The following JPH1 variants were observed in gnomAD, a reference collection of about 807,000 sequenced individuals.
The protein encoded by JPH1 is junctophilin-1.
In JPH1, 12 loss-of-function variants were observed where a neutral mutation model predicts 53.6. The observed-to-expected ratio is 0.22, with a 90% CI of 0.14 to 0.36. JPH1 has a LOEUF of 0.36. Among genes scored for constraint, JPH1 ranks in the 10% least tolerant of loss-of-function variants. JPH1 has a pLI of 1.00. For synonymous variants in JPH1, 375 were observed against 363.8 expected, an observed-to-expected ratio of 1.03 and a Z score of -0.35; for missense variants, 808 against 905.5, an observed-to-expected ratio of 0.89 and a Z score of 1.38.
chr8:74,281,892 A>G (rs528442150), intron 2 of JPH1, among the ~76,000 whole-genome samples: 1 of 152,310 alleles, frequency 6.6e-6, no homozygotes, highest in Non-Finnish European at 1.5e-5. Flanking sequence ...CTTTGACATT[A>G]TAACAGACTG....
At chr8:74,240,771 A>G (rs900366903) in intron 4 of JPH1, among the ~76,000 whole-genome samples, 2 of 152,242 alleles carry the variant, frequency 1.3e-5, no homozygotes, top group African/African-American at 4.8e-5. Flanking sequence ...CAGTGGACCC[A>G]GGAAAGTGAA....
At chr8:74,269,063 T>C (rs1033287025) in intron 2 of JPH1, among the ~76,000 whole-genome samples, 6 of 152,222 alleles carry the variant, frequency 3.9e-5, no homozygotes, top group South Asian at 2.1e-4. Context: ...TTGAAAAACA[T>C]TCTCTAAGGT....
chr8:74,269,704 C>T (rs991688700), intron 2 of JPH1, among the ~76,000 whole-genome samples: 4 of 152,176 alleles, frequency 2.6e-5, no homozygotes, highest in African/African-American at 9.7e-5. Context: ...CAGGTAATTA[C>T]TTTTCCTTCT....
intron 3 of JPH1, among the ~76,000 whole-genome samples, chr8:74,255,961 A>C (rs1806211154): frequency 6.6e-6 from 1 of 152,204 alleles, no homozygotes; most frequent in South Asian, 2.1e-4. Flanking sequence ...AAACTAGTTC[A>C]ACCATTGTGG....
intron 2 of JPH1, among the ~76,000 whole-genome samples, chr8:74,313,758 G>A (rs1397995427): frequency 6.6e-6 from 1 of 152,158 alleles, no homozygotes; most frequent in Non-Finnish European, 1.5e-5. Flanking sequence ...CTGTGGAAGA[G>A]TGTTATTGAA....
chr8:74,248,070 C>T (rs1478290864), intron 3 of JPH1, among the ~76,000 whole-genome samples: 1 of 152,162 alleles, frequency 6.6e-6, no homozygotes, highest in African/African-American at 2.4e-5. Flanking sequence ...GGTCTAATCA[C>T]TTCTTTAACC....
At chr8:74,245,563 A>G (rs1586732200) in intron 3 of JPH1, among the ~76,000 whole-genome samples, 1 of 152,234 alleles carries the variant, frequency 6.6e-6, no homozygotes, top group Non-Finnish European at 1.5e-5. Context: ...AAAATTTAAT[A>G]AAGTATACTG....
chr8:74,276,416 C>G (rs1345726963), intron 2 of JPH1, among the ~76,000 whole-genome samples: 1 of 152,136 alleles, frequency 6.6e-6, no homozygotes, highest in African/African-American at 2.4e-5. Flanking sequence ...GTGGCAGTAA[C>G]AGGACAATAT....
Position 74,320,847 on chromosome 8 carries a change from G to A in JPH1, c.379+62C>T. ...CCGGCGTCCTCCCCGCTTCCCCGCA[G>A]CCGGGGCAGAGCCCACCGCACCAGC... On this transcript the variant is annotated intron_variant, in intron 1 of 5. Transcript: ENST00000342232. The surrounding 1 kb of genome is among the most constrained non-coding windows in gnomAD (Gnocchi z 4.4). 1 of 1,428,112 alleles carries A rather than the reference G, an allele frequency of 7.0e-7. No individual in the cohort carries two copies. Among genetic ancestry groups the A allele is most frequent in the South Asian group, 1.6e-5 (1 of 63,652 alleles). The allele number at this position is 1,428,112 out of a possible 1,614,324, so 88.5% of individuals were successfully genotyped here.
Position 74,256,326 on chromosome 8 carries a change from G to T in JPH1, c.1258+3059C>A, listed in dbSNP as rs532475047. Among the ~76,000 whole-genome samples the T allele has an allele frequency of 2.0e-5, 3 of 151,750 alleles. No individual in the cohort carries two copies. The South Asian group carries it at 6.3e-4, about 32-fold the overall frequency. On this transcript the variant is annotated intron_variant, in intron 3 of 5. Transcript: ENST00000342232. ...CAAACACCGCATGTTCTCACTCATA[G>T]GTGGGAATTGATCAATGAGAACACA...
chr8:74,319,843 C>T (rs1228589747), intron 1 of JPH1, among the ~76,000 whole-genome samples: 1 of 152,214 alleles, frequency 6.6e-6, no homozygotes, highest in Non-Finnish European at 1.5e-5. Context: ...TTTGCTAAAG[C>T]ATAAGCTATT....
At chr8:74,255,706 A>G (rs1223406346) in intron 3 of JPH1, among the ~76,000 whole-genome samples, 1 of 152,206 alleles carries the variant, frequency 6.6e-6, no homozygotes, top group African/African-American at 2.4e-5. Context: ...CAAGAAAAAA[A>G]CAACCCCATC....
chr8:74,284,947 C>A (rs2131423997), intron 2 of JPH1, among the ~76,000 whole-genome samples: 1 of 152,056 alleles, frequency 6.6e-6, no homozygotes, highest in African/African-American at 2.4e-5. Flanking sequence ...GCCTCAGCCT[C>A]CTGAGTAGCT....
At chr8:74,251,270 T>C (rs182675683) in intron 3 of JPH1, among the ~76,000 whole-genome samples, 72 of 152,316 alleles carry the variant, frequency 4.7e-4, no homozygotes, top group African/African-American at 1.7e-3. Flanking sequence ...TATACTTCCT[T>C]GGGTGACCAA....
chr8:74,238,539 C>CT (rs1416068871), intron 4 of JPH1, among the ~76,000 whole-genome samples: 2 of 152,236 alleles, frequency 1.3e-5, no homozygotes, highest in African/African-American at 4.8e-5. Context: ...TGGCAGGGGC[C>CT]TTGTCTTATT....
chr8:74,235,052 C>T lies in JPH1; in HGVS notation c.*1999G>A, dbSNP rs532580120. The T allele has an allele frequency of 6.6e-6, 1 of 152,632 alleles. No individual in the cohort carries two copies. The highest frequency in any genetic ancestry group is 1.9e-4 in the East Asian group (1 of 5,188). 9.5% of individuals were successfully genotyped at this position (152,632 alleles called of 1,614,324 possible). ...AACATGCTCACTTTATAAACATATC[C>T]TCTCGCTATCTGTTACCCATTATTT... On this transcript the variant is annotated 3_prime_UTR_variant, in exon 6 of 6. Transcript: ENST00000342232.
In JPH1 at chr8:74,259,406, A is replaced by C; in HGVS notation, c.1237T>G (p.Ser413Ala). 1 of 1,613,830 alleles carries C rather than the reference A, an allele frequency of 6.2e-7. No homozygotes were observed. Among genetic ancestry groups the C allele is most frequent in the South Asian group, 1.1e-5 (1 of 91,050 alleles). The change falls in exon 3 of 6, where the codon TCA becomes GCA. Residue 413 changes from serine (S) to alanine (A), a missense_variant. Transcript: ENST00000342232. ...DIARAVARELSPDFYQPGPDY... is the reference protein window; with the variant it reads ...DIARAVARELAPDFYQPGPDY... The stretch of plus-strand genomic sequence containing the variant: ...TTACCTGGTTGGTAGAAATCAGGTG[A>C]CAGCTCCCTGGCCACAGCTCTCGCG...
chr8:74,244,925 A>C lies in JPH1; in HGVS notation c.1509T>G (p.Asp503Glu). 1 of 1,614,120 alleles carries C rather than the reference A, an allele frequency of 6.2e-7. No homozygotes were observed. The highest frequency in any genetic ancestry group is 1.1e-5 in the South Asian group (1 of 91,076). Residue 503 changes from aspartate (D) to glutamate (E), a missense_variant, in exon 4 of 6, where the codon GAT becomes GAG. This residue lies in a region of JPH1 where 756 missense variants were observed against 811.9 expected (regional missense o/e 0.93). Transcript: ENST00000342232. ...RLNQDKRSVA[D>E]EQVTAIVNKP... ...TATTGACAATGGCCGTCACCTGCTCATCAGCCACACTCCTTTTGTCTTGGT... is the reference window on the plus strand; with the variant it reads ...TATTGACAATGGCCGTCACCTGCTCCTCAGCCACACTCCTTTTGTCTTGGT...
At chr8:74,256,460 T>A (rs1806237466) in intron 3 of JPH1, among the ~76,000 whole-genome samples, 1 of 150,532 alleles carries the variant, frequency 6.6e-6, no homozygotes, top group African/African-American at 2.4e-5. Context: ...AGTTAATGGG[T>A]GCAGCACACC....
Sources: allele counts gnomAD v4.1 joint callset (sites outside exome capture counted in the v4.1 genomes callset), GRCh38; gene constraint gnomAD v4.1.1; regional missense constraint gnomAD v4.1.1; non-coding constraint Gnocchi (gnomAD v3.1); transcripts MANE v1.5; gene names NCBI Gene and HGNC (gene_info 2026-07-23, HGNC 2026-07-21).